CATSPER3: variants seen among roughly 807,000 people sequenced by gnomAD.
The protein encoded by CATSPER3 is cation channel sperm-associated protein 3.
CATSPER3 carries 23 observed loss-of-function variants against 36.6 expected under a neutral mutation model. The observed-to-expected ratio is 0.63, with a 90% confidence interval of 0.45 to 0.89. The LOEUF (loss-of-function observed/expected upper bound fraction) is 0.89. Ranked by LOEUF, CATSPER3 falls within the 40% of genes least tolerant of loss-of-function variation. The pLI, the probability that CATSPER3 is intolerant of heterozygous loss-of-function variation, is 0.00. For missense variants in CATSPER3, 474 were observed against 503.9 expected, an observed-to-expected ratio of 0.94 and a Z score of 0.57; for synonymous variants, 172 against 184.1, an observed-to-expected ratio of 0.93 and a Z score of 0.53.
rs760255193 is a variant in CATSPER3 at position 135,008,014 on chromosome 5, C to T, written c.550C>T (p.Leu184Phe). 7 of 1,614,058 alleles carry T rather than the reference C, an allele frequency of 4.3e-6. No homozygotes were observed. Among genetic ancestry groups the T allele is most frequent in the Admixed American group, 1.7e-5 (1 of 60,008 alleles). ...CACCGTGGCCTCTGTGCTCCTCCTG[C>T]TCTTCCTCCTCATGTACATCTTCGC... The part of the protein sequence containing the change: ...VYTVASVLLL[L>F]FLLMYIFAIL... Residue 184 changes from leucine (L) to phenylalanine (F), a missense_variant, in exon 4 of 8, where the codon CTC becomes TTC. Physicochemically the swap from Leu to Phe is conservative, Grantham distance 22. Transcript: ENST00000282611.
rs1428842313 is a variant in CATSPER3 at position 135,008,924 on chromosome 5, G to A, written c.759G>A (p.Leu253=). 6 of 1,613,846 alleles carry A rather than the reference G, an allele frequency of 3.7e-6. No homozygotes were observed. The African/African-American group carries it at 8.0e-5, about 22-fold the overall frequency. The change falls in exon 5 of 8, where the codon TTG becomes TTA. Residue 253 remains leucine, a synonymous_variant. Coordinates refer to ENST00000282611, the MANE Select transcript of CATSPER3 (RefSeq NM_178019.3). ...GGGCATTCACCATCATCTTCATCTT[G>A]CTCGCCTCTTTCATCTTCCTCAACA... ...LSRAFTIIFI[L]LASFIFLNMF...
At chr5:134,999,917 T>C (rs540620085) in intron 3 of CATSPER3, among the ~76,000 whole-genome samples, 15 of 152,348 alleles carry the variant, frequency 9.8e-5, no homozygotes, top group African/African-American at 3.1e-4. Context: ...TCCTGCCTGA[T>C]TGCCCTGGCC....
intron 2 of CATSPER3, among the ~76,000 whole-genome samples, chr5:134,992,527 C>T (rs778632653): frequency 6.6e-6 from 1 of 152,084 alleles, no homozygotes; most frequent in Non-Finnish European, 1.5e-5. Flanking sequence ...GAGTTCGAGA[C>T]CAGCTTGGCC....
At chr5:135,000,064 T>C (rs1356106158) in intron 3 of CATSPER3, among the ~76,000 whole-genome samples, 1 of 152,234 alleles carries the variant, frequency 6.6e-6, no homozygotes, top group South Asian at 2.1e-4. Context: ...ATAGCTCTTA[T>C]TATTTTGAGA....
intron 2 of CATSPER3, among the ~76,000 whole-genome samples, chr5:134,976,799 C>T (rs536314310): frequency 2.8e-4 from 42 of 152,398 alleles, no homozygotes; most frequent in Non-Finnish European, 5.6e-4. Flanking sequence ...ATCACTCTTG[C>T]ATTCCCTAAG....
chr5:134,969,931 T>C lies in CATSPER3; in HGVS notation c.99-8T>C, dbSNP rs1366750987. ...TGTAACCATACTTCACATTCAACTT[T>C]TTGACAGGAGGAACGATGATGAATG... On this transcript the variant is annotated splice_polypyrimidine_tract_variant and splice_region_variant and intron_variant, in intron 1 of 7. Coordinates refer to ENST00000282611, the MANE Select transcript of CATSPER3 (RefSeq NM_178019.3). 27 of 1,613,976 alleles carry C rather than the reference T, an allele frequency of 1.7e-5. No homozygotes were observed. The highest frequency in any genetic ancestry group is 2.1e-5 in the Non-Finnish European group (25 of 1,180,000).
At chr5:135,003,449 G>A (rs534051170) in intron 3 of CATSPER3, among the ~76,000 whole-genome samples, 11 of 152,304 alleles carry the variant, frequency 7.2e-5, no homozygotes, top group East Asian at 1.9e-4. Context: ...CTCAAACTCC[G>A]TGCTGGGAGA....
At chr5:134,976,807 A>C (rs1580903190) in intron 2 of CATSPER3, among the ~76,000 whole-genome samples, 1 of 152,248 alleles carries the variant, frequency 6.6e-6, no homozygotes, top group Non-Finnish European at 1.5e-5. Flanking sequence ...TGCATTCCCT[A>C]AGCCCACAGA....
At chr5:134,970,153 C>A in intron 2 of CATSPER3, 61 bp downstream of exon 2, 7 of 1,496,496 alleles carry the variant, frequency 4.7e-6, no homozygotes, top group Non-Finnish European at 5.6e-6. Flanking sequence ...TTTCTGGAAA[C>A]ATTATAAGAT....
intron 7 of CATSPER3, among the ~76,000 whole-genome samples, chr5:135,010,733 TCTGCCCCTC>T (rs1752172261): frequency 6.6e-6 from 1 of 152,074 alleles, no homozygotes; most frequent in South Asian, 2.1e-4. Context: ...CTGGGGGGAA[TCTGCCCCTC>T]CTGCCCCTCC....
chr5:135,010,166 A>G (rs910322465), intron 6 of CATSPER3, among the ~76,000 whole-genome samples: 10 of 152,082 alleles, frequency 6.6e-5, no homozygotes, highest in African/African-American at 2.4e-4. Context: ...GTTGGACTTC[A>G]TGTGCTGCCT....
intron 2 of CATSPER3, among the ~76,000 whole-genome samples, chr5:134,970,603 G>A (rs1178635850): frequency 3.8e-5 from 5 of 131,030 alleles, no homozygotes; most frequent in South Asian, 2.4e-4. Context: ...ACAGAGTCTC[G>A]CCCTGTTGCC....
intron 2 of CATSPER3, chr5:134,975,322 G>C (rs1751659455): frequency 6.6e-6 from 1 of 152,170 alleles, no homozygotes; most frequent in African/African-American, 2.4e-5. Context: ...CTGAGGCAGA[G>C]TGGTAAGTTG....
chr5:134,998,913 G>A (rs570130329), intron 3 of CATSPER3, among the ~76,000 whole-genome samples: 2 of 152,146 alleles, frequency 1.3e-5, no homozygotes, highest in Non-Finnish European at 2.9e-5. Flanking sequence ...AAGCTCTTTA[G>A]TTTCATTAGA....
chr5:134,996,505 G>A lies in CATSPER3; in HGVS notation c.485G>A (p.Gly162Asp), dbSNP rs544720333. ...CTCAAGCTTATCGGCTATAGCCAGG[G>A]CATCCGGGTGAGTGCACTGGGGGTG... ...RILKLIGYSQ[G>D]IRTLITAVGQ... Residue 162 changes from glycine to aspartate, a missense_variant, in exon 3 of 8, where the codon GGC becomes GAC. Physicochemically the swap from Gly to Asp is moderately conservative, Grantham distance 94. Coordinates refer to ENST00000282611, the MANE Select transcript of CATSPER3 (RefSeq NM_178019.3). 119 of 1,614,016 alleles carry A rather than the reference G, an allele frequency of 7.4e-5. No homozygotes were observed. In the East Asian group the frequency reaches 2.4e-3, roughly 33 times the overall value.
intron 5 of CATSPER3, 119 bp from the exon 6 acceptor site, chr5:135,009,252 G>A (rs952648754): frequency 4.4e-6 from 5 of 1,128,764 alleles, no homozygotes; most frequent in Non-Finnish European, 6.7e-6. Flanking sequence ...CTGGCCCTGT[G>A]TGGGGAAAAG....
intron 2 of CATSPER3, among the ~76,000 whole-genome samples, chr5:134,980,995 A>T (rs1311683505): frequency 6.6e-6 from 1 of 152,178 alleles, no homozygotes; most frequent in Non-Finnish European, 1.5e-5. Flanking sequence ...ACTGGGATTC[A>T]GGCATGAGTT....
At chr5:134,972,865 T>C (rs1751623411) in intron 2 of CATSPER3, among the ~76,000 whole-genome samples, 1 of 152,208 alleles carries the variant, frequency 6.6e-6, no homozygotes, top group African/African-American at 2.4e-5. Context: ...TATTGGATTT[T>C]AAAGGAAAGA....
intron 2 of CATSPER3, among the ~76,000 whole-genome samples, chr5:134,994,486 C>T (rs1176032458): frequency 6.6e-6 from 1 of 152,188 alleles, no homozygotes; most frequent in East Asian, 1.9e-4. Context: ...CTTCAGAAAA[C>T]AATTTGCCAA....
Sources: gnomAD v4.1 joint callset for allele counts (sites outside exome capture counted in the v4.1 genomes callset) on GRCh38, gnomAD v4.1.1 for gene constraint, MANE v1.5 for transcripts, NCBI Gene and HGNC (gene_info 2026-07-23, HGNC 2026-07-21) for gene names.